Variants in NFAT5 observed in about 807,000 individuals in gnomAD.
NFAT5 encodes nuclear factor of activated T-cells 5.
A neutral mutation model predicts 166.5 loss-of-function variants in NFAT5; 31 were observed. The observed-to-expected ratio is 0.19, with a 90% CI of 0.14 to 0.25. NFAT5 has a LOEUF of 0.25. Among genes scored for constraint, NFAT5 ranks in the 10% least tolerant of loss-of-function variants. The probability of loss-of-function intolerance (pLI) is 1.00; values close to 1 mark genes in which losing one functional copy is unlikely to be tolerated. For synonymous variants in NFAT5, 612 were observed against 639.7 expected (o/e 0.96, Z 0.65); for missense variants, 1,449 against 1,821.8 (o/e 0.80, Z 3.72).
Position 69,692,347 on chromosome 16 carries a change from A to G in NFAT5, c.2522A>G (p.Gln841Arg). Reference protein sequence around the residue: ...FSAPDGNENVQEQLSADIFQQ... With the variant: ...FSAPDGNENVREQLSADIFQQ... ...GCTCCAGATGGTAATGAGAATGTTC[A>G]AGAGCAGCTTAGTGCAGATATTTTT... Residue 841 changes from glutamine to arginine, a missense_variant, in exon 13 of 15, where the codon CAA (glutamine) becomes CGA (arginine). Gln to Arg is a conservative substitution (Grantham distance 43, BLOSUM62 1). This residue lies in a region of NFAT5 where 891 missense variants were observed against 993.0 expected (regional missense o/e 0.90). Transcript: ENST00000349945. 1 of 1,614,222 alleles carries G rather than the reference A, an allele frequency of 6.2e-7. No individual in the cohort carries two copies. Among genetic ancestry groups the G allele is most frequent in the Non-Finnish European group, 8.5e-7 (1 of 1,180,044 alleles).
At chr16:69,592,707 GCATTCTAGC>G in intron 2 of NFAT5, among the ~76,000 whole-genome samples, 1 of 152,172 alleles carries the variant, frequency 6.6e-6, no homozygotes, top group South Asian at 2.1e-4. Context: ...TCTGAAAAAT[GCATTCTAGC>G]TAAAAATATA....
rs1283968976 is a variant in NFAT5 at position 69,678,144 on chromosome 16, C to T, written c.1690+809C>T. On this transcript the variant is annotated intron_variant, in intron 10 of 14. Coordinates refer to ENST00000349945, the MANE Select transcript of NFAT5 (RefSeq NM_138713.4). ...TTGCACTCCAGCCTGGGCGATAGAG[C>T]GAGACTGTCTCAAAGACAGAAAACA... Among the ~76,000 whole-genome samples, 8 of 151,364 alleles carry T rather than the reference C, an allele frequency of 5.3e-5. No individual in the cohort carries two copies. The South Asian group carries it at 1.0e-3, about 20-fold the overall frequency.
chr16:69,583,953 G>A (rs1053201085), intron 2 of NFAT5, among the ~76,000 whole-genome samples: 1 of 152,046 alleles, frequency 6.6e-6, no homozygotes, highest in Non-Finnish European at 1.5e-5. Flanking sequence ...GGCCAGTTGC[G>A]GTGGCTCACA....
rs1317846041 is a variant in NFAT5, at chr16:69,684,931, A to C, written c.1735A>C (p.Ser579Arg). ...TGTAAATGTGAAGAAGGAAATATCT[A>C]GTCCAGCAAGACCTTGCTCTTTTGA... ...LNVNVKKEIS[S>R]PARPCSFEEA... Residue 579 changes from serine to arginine, a missense_variant, in exon 11 of 15, where the codon AGT (serine) becomes CGT (arginine). Physicochemically the swap from Ser to Arg is moderately radical, Grantham distance 110. Coordinates refer to ENST00000349945, the MANE Select transcript of NFAT5 (RefSeq NM_138713.4). 2 of 1,610,948 alleles carry C rather than the reference A, an allele frequency of 1.2e-6. No homozygotes were observed. The highest frequency in any genetic ancestry group is 1.7e-6 in the Non-Finnish European group (2 of 1,178,994).
At chr16:69,633,598 TCTCA>T (rs887706285) in intron 3 of NFAT5, among the ~76,000 whole-genome samples, 5 of 152,200 alleles carry the variant, frequency 3.3e-5, no homozygotes, top group Non-Finnish European at 7.3e-5. Flanking sequence ...CACTGCATGT[TCTCA>T]CTCATATGTG....
At chr16:69,652,552 A>G (rs1039972691) in intron 4 of NFAT5, among the ~76,000 whole-genome samples, 1 of 152,216 alleles carries the variant, frequency 6.6e-6, no homozygotes, top group Admixed American at 6.5e-5. Context: ...ACAGATAAAA[A>G]TAATCTGAAA....
intron 3 of NFAT5, among the ~76,000 whole-genome samples, chr16:69,631,399 C>G (rs1008436007): frequency 1.3e-5 from 2 of 151,992 alleles, no homozygotes; most frequent in African/African-American, 4.8e-5. Flanking sequence ...CCACTGCACT[C>G]CAGCCTGGGC....
chr16:69,657,156 A>G (rs1188590624), intron 6 of NFAT5, among the ~76,000 whole-genome samples: 2 of 150,160 alleles, frequency 1.3e-5, no homozygotes, highest in Non-Finnish European at 3.0e-5. Flanking sequence ...TTGGAGAGGG[A>G]GTCTTGCTTT....
At chr16:69,612,240 G>T (rs1333731270) in intron 2 of NFAT5, among the ~76,000 whole-genome samples, 1 of 152,192 alleles carries the variant, frequency 6.6e-6, no homozygotes, top group East Asian at 1.9e-4. Context: ...ACCTTAGTCA[G>T]AGAAGACATG....
intron 10 of NFAT5, among the ~76,000 whole-genome samples, chr16:69,684,224 ACTC>A (rs1274419775): frequency 1.7e-4 from 22 of 132,178 alleles, no homozygotes; most frequent in African/African-American, 6.4e-4. Flanking sequence ...ATACCACTGC[ACTC>A]CTCCTGGGCG....
chr16:69,637,583 A>C (rs1490215619), intron 3 of NFAT5, among the ~76,000 whole-genome samples: 1 of 152,214 alleles, frequency 6.6e-6, no homozygotes, highest in African/African-American at 2.4e-5. Context: ...GGAAGAAGCA[A>C]AAGTGGAAAC....
Position 69,606,883 on chromosome 16 carries a change from G to A in NFAT5, c.128-19520G>A, listed in dbSNP as rs142891774. On this transcript the variant is annotated intron_variant, in intron 2 of 14. Transcript: ENST00000349945. ...ACAACAACAACAAAAGGAAAGCTGT[G>A]TATTGTGAAGTGAAATCAGAGTCAC... Among the ~76,000 whole-genome samples the A allele has an allele frequency of 2.2e-3, 338 of 152,250 alleles. 2 individuals are homozygous for A. Among genetic ancestry groups the A allele is most frequent in the South Asian group, 5.8e-3 (28 of 4,824 alleles).
intron 4 of NFAT5, among the ~76,000 whole-genome samples, chr16:69,651,408 A>T (rs2035659193): frequency 6.6e-6 from 1 of 152,158 alleles, no homozygotes; most frequent in Non-Finnish European, 1.5e-5. Context: ...TCCATTGAAG[A>T]TAGTGCCTTT....
At chr16:69,616,675 ATTC>A (rs1413563685) in intron 2 of NFAT5, among the ~76,000 whole-genome samples, 1 of 151,940 alleles carries the variant, frequency 6.6e-6, no homozygotes, top group African/African-American at 2.4e-5. Context: ...ATATTCATAT[ATTC>A]TTCACCCTGC....
chr16:69,630,836 G>A (rs1270154433), intron 3 of NFAT5, among the ~76,000 whole-genome samples: 1 of 152,136 alleles, frequency 6.6e-6, no homozygotes, highest in Non-Finnish European at 1.5e-5. Context: ...CAGGTTTGGG[G>A]TTTTTTAAAA....
At chr16:69,626,608 C>T (rs2151580704) in intron 3 of NFAT5, 80 bp downstream of exon 3, 1 of 1,226,936 alleles carries the variant, frequency 8.2e-7, no homozygotes, top group Non-Finnish European at 1.1e-6. Context: ...TGGCAAAATT[C>T]ATACTAAAAA....
Position 69,656,174 on chromosome 16 carries a change from G to A in NFAT5, c.1196+375G>A, listed in dbSNP as rs547601057. Among the ~76,000 whole-genome samples the A allele has an allele frequency of 1.1e-4, 17 of 151,590 alleles. No homozygotes were observed. In the South Asian group the frequency reaches 3.6e-3, roughly 32 times the overall value. The stretch of plus-strand genomic sequence containing the variant: ...CACGTGCCTGTAATCCCAGCTACTT[G>A]GGAGGCTGAGGCAGGAGAATCACTT... On this transcript the variant is annotated intron_variant, in intron 6 of 14. Coordinates refer to ENST00000349945, the MANE Select transcript of NFAT5 (RefSeq NM_138713.4).
intron 2 of NFAT5, among the ~76,000 whole-genome samples, chr16:69,592,236 C>T (rs1004823134): frequency 2.6e-5 from 4 of 151,694 alleles, no homozygotes; most frequent in African/African-American, 7.3e-5. Context: ...CCCACCACCA[C>T]GCCTGGATAA....
chr16:69,610,918 C>T (rs1005776794), intron 2 of NFAT5, among the ~76,000 whole-genome samples: 1 of 152,082 alleles, frequency 6.6e-6, no homozygotes, highest in Non-Finnish European at 1.5e-5. Context: ...TATTTATGTG[C>T]TTTCAGTCAA....
Sources: gnomAD v4.1 joint callset for allele counts (sites outside exome capture counted in the v4.1 genomes callset) on GRCh38, gnomAD v4.1.1 for gene constraint, gnomAD v4.1.1 regional missense constraint, MANE v1.5 for transcripts, NCBI Gene and HGNC (gene_info 2026-07-23, HGNC 2026-07-21) for gene names.